FARP1: variants seen among roughly 807,000 people sequenced by gnomAD.
FARP1 encodes the protein FERM, ARHGEF and pleckstrin domain-containing protein 1.
Under a neutral mutation model 128.8 loss-of-function variants are expected in FARP1, and 52 were observed. The ratio of observed to expected loss-of-function variants is 0.40; its 90% CI spans 0.32 to 0.51. The LOEUF (loss-of-function observed/expected upper bound fraction) is 0.51, where lower values mean the gene tolerates loss of function less well. Ranked by LOEUF, FARP1 falls within the 20% of genes least tolerant of loss-of-function variation. The pLI is 0.45. For missense variants in FARP1, 1,333 were observed against 1,367.9 expected (o/e 0.97, Z 0.40); for synonymous variants, 580 against 551.8 (o/e 1.05, Z -0.72).
intron 2 of FARP1, among the ~76,000 whole-genome samples, chr13:98,322,332 A>G (rs1459521614): frequency 6.6e-6 from 1 of 152,220 alleles, no homozygotes; most frequent in African/African-American, 2.4e-5. Context: ...TGCCTGGCAT[A>G]GGACTTAGGA....
At chr13:98,261,474 T>C (rs1883878122) in intron 2 of FARP1, among the ~76,000 whole-genome samples, 1 of 151,850 alleles carries the variant, frequency 6.6e-6, no homozygotes, top group Admixed American at 6.6e-5. Flanking sequence ...CACATTCCTC[T>C]CTATAGATTT....
In FARP1 at chr13:98,388,402, C is replaced by A. The variant is rs1366139831; in HGVS notation, c.779C>A (p.Ala260Asp). The A allele has an allele frequency of 6.2e-6, 10 of 1,613,688 alleles. No homozygotes were observed. The highest frequency in any genetic ancestry group is 8.5e-6 in the Non-Finnish European group (10 of 1,179,704). ...LVFQGFTKIN[A>D]FNWAKVRKLS... ...TTTTAGGGTTTCACTAAGATCAATG[C>A]CTTCAACTGGGCCAAGGTGCGGAAG... is the stretch of plus-strand genomic sequence containing the variant. The change falls in exon 9 of 27, where the codon GCC becomes GAC. Residue 260 changes from alanine (A) to aspartate (D), a missense_variant. Physicochemically the swap from Ala to Asp is moderately radical, Grantham distance 126. Around this residue, in one of 2 missense-constraint regions of FARP1, gnomAD observed 324 missense variants for 398.1 expected, o/e 0.81. Coordinates refer to ENST00000319562, the MANE Select transcript of FARP1 (RefSeq NM_005766.4).
intron 3 of FARP1, among the ~76,000 whole-genome samples, chr13:98,350,583 TACC>T (rs1406540720): frequency 1.3e-5 from 2 of 152,200 alleles, no homozygotes. Context: ...GACTTGCATC[TACC>T]ACAACAGTAT....
At chr13:98,243,474 T>TC (rs1400700803) in intron 2 of FARP1, among the ~76,000 whole-genome samples, 2 of 151,838 alleles carry the variant, frequency 1.3e-5, no homozygotes, top group Middle Eastern at 3.4e-3. Flanking sequence ...GGGGGGTGGA[T>TC]CACGAGGTCA....
intron 2 of FARP1, among the ~76,000 whole-genome samples, chr13:98,335,203 C>T (rs369557683): frequency 4.1e-4 from 62 of 152,238 alleles, no homozygotes; most frequent in African/African-American, 1.1e-3. Context: ...TGTACATCAT[C>T]GACGGAAGTA....
At chr13:98,169,360 G>A (rs956789019) in intron 1 of FARP1, among the ~76,000 whole-genome samples, 9 of 152,182 alleles carry the variant, frequency 5.9e-5, no homozygotes, top group South Asian at 2.1e-4. Flanking sequence ...GCATTGTTTT[G>A]GTAGAACACA....
chr13:98,409,262 T>G, intron 13 of FARP1, 76 bp from the exon 14 acceptor site: 13 of 1,148,652 alleles, frequency 1.1e-5, no homozygotes, highest in Non-Finnish European at 1.2e-5. Flanking sequence ...TTGAAAAAGG[T>G]GAAAGTAGTG....
At chr13:98,291,633 C>T (rs776846197) in intron 2 of FARP1, among the ~76,000 whole-genome samples, 1 of 152,162 alleles carries the variant, frequency 6.6e-6, no homozygotes, top group Non-Finnish European at 1.5e-5. Flanking sequence ...TGTTCTGAGC[C>T]CCTCAGCAAG....
chr13:98,172,515 G>A (rs766872614), intron 1 of FARP1, among the ~76,000 whole-genome samples: 10 of 152,076 alleles, frequency 6.6e-5, no homozygotes, highest in Non-Finnish European at 1.2e-4. Flanking sequence ...TAAAATGCTC[G>A]GCTATGAAAC....
At chr13:98,425,509 C>T (rs1891754794) in intron 17 of FARP1, 1 of 152,576 alleles carries the variant, frequency 6.6e-6, no homozygotes. Context: ...ATTCTCCTGC[C>T]TCAGCTTCCC....
At chr13:98,224,546 GAAAA>G (rs11450140) in intron 2 of FARP1, among the ~76,000 whole-genome samples, 3 of 104,992 alleles carry the variant, frequency 2.9e-5, no homozygotes, top group Admixed American at 2.5e-4. Context: ...AAAAAAAAAA[GAAAA>G]AAAAAAAGAA....
intron 1 of FARP1, among the ~76,000 whole-genome samples, chr13:98,174,260 T>C (rs1403450597): frequency 2.6e-5 from 4 of 152,206 alleles, no homozygotes; most frequent in Non-Finnish European, 5.9e-5. Flanking sequence ...ATAAGAACTA[T>C]ATATCTTAGT....
intron 2 of FARP1, among the ~76,000 whole-genome samples, chr13:98,314,709 C>G (rs1460946960): frequency 2.0e-5 from 3 of 152,194 alleles, no homozygotes; most frequent in Non-Finnish European, 4.4e-5. Context: ...TAAATGAAAT[C>G]AGCCAGGCCC....
At chr13:98,203,481 T>C (rs1880082259) in intron 1 of FARP1, among the ~76,000 whole-genome samples, 1 of 152,220 alleles carries the variant, frequency 6.6e-6, no homozygotes, top group South Asian at 2.1e-4. Context: ...GGATATTACA[T>C]TTAATAGGAT....
At position 98,227,585 on chromosome 13, in the gene FARP1, A is replaced by G. The variant is rs577033698; in HGVS notation, c.171+14172A>G. Among the ~76,000 whole-genome samples the G allele has an allele frequency of 2.0e-5, 3 of 152,328 alleles. No homozygotes were observed. In the South Asian group the frequency reaches 6.2e-4, roughly 32 times the overall value. On this transcript the variant is annotated intron_variant, in intron 2 of 26. Transcript: ENST00000319562. ...TTATGGCAGTTCTAAAGAAATGTAA[A>G]ATAGAGTTGCTGTATGATCCAGCAA...
chr13:98,335,564 T>C (rs1887704823), intron 2 of FARP1, among the ~76,000 whole-genome samples: 1 of 152,112 alleles, frequency 6.6e-6, no homozygotes, highest in Non-Finnish European at 1.5e-5. Flanking sequence ...GAGATTTGGG[T>C]GGGGACACAG....
chr13:98,407,457 G>A (rs917181855), intron 13 of FARP1: 17 of 151,814 alleles, frequency 1.1e-4, no homozygotes, highest in African/African-American at 4.1e-4. Context: ...GTATTTAGTT[G>A]TGCACTAGTG....
intron 3 of FARP1, among the ~76,000 whole-genome samples, chr13:98,355,777 C>T (rs1339819130): frequency 1.3e-5 from 2 of 152,096 alleles, no homozygotes; most frequent in East Asian, 1.9e-4. Context: ...TTTTTTGTGG[C>T]ATCCCACAAA....
chr13:98,366,839 C>G (rs886639110), intron 4 of FARP1, among the ~76,000 whole-genome samples: 2 of 152,014 alleles, frequency 1.3e-5, no homozygotes, highest in African/African-American at 4.8e-5. Context: ...GTTTTTTTCT[C>G]CCAATTTTGT....
Sources: allele counts gnomAD v4.1 joint callset (sites outside exome capture counted in the v4.1 genomes callset), GRCh38; gene constraint gnomAD v4.1.1; regional missense constraint gnomAD v4.1.1; transcripts MANE v1.5; gene names NCBI Gene and HGNC (gene_info 2026-07-23, HGNC 2026-07-21).